ARL15: variants seen among roughly 807,000 people sequenced by gnomAD.
ARL15 encodes the protein ADP-ribosylation factor-like protein 15.
In ARL15, 19 loss-of-function variants were observed where a neutral mutation model predicts 25.2. That is an observed-to-expected ratio of 0.75 (90% CI 0.53 to 1.10). The LOEUF is 1.10. ARL15 is among the 50% of genes least tolerant of loss of function. The pLI is 0.00. For synonymous variants in ARL15, 94 were observed against 86.8 expected (o/e 1.08, Z -0.46); for missense variants, 220 against 246.0 (o/e 0.89, Z 0.71).
chr5:54,271,455 A>C (rs1309777390), intron 1 of ARL15, among the ~76,000 whole-genome samples: 1 of 152,200 alleles, frequency 6.6e-6, no homozygotes, highest in Non-Finnish European at 1.5e-5. Flanking sequence ...ATACAATACA[A>C]ATGCTATGTA....
chr5:53,961,799 C>A (rs1268116992), intron 4 of ARL15, among the ~76,000 whole-genome samples: 1 of 152,100 alleles, frequency 6.6e-6, no homozygotes, highest in African/African-American at 2.4e-5. Flanking sequence ...TCTGTGTTGG[C>A]ATGTATTAAT....
chr5:53,907,488 A>ATACATATATAT (rs1360900279), intron 4 of ARL15, among the ~76,000 whole-genome samples: 4 of 18,016 alleles, frequency 2.2e-4, no homozygotes, highest in African/African-American at 1.2e-3. Context: ...ATATATATAT[A>ATACATATATAT]TTTTTTTTTT....
chr5:53,929,607 G>A (rs1343080224), intron 4 of ARL15, among the ~76,000 whole-genome samples: 2 of 152,146 alleles, frequency 1.3e-5, no homozygotes, highest in African/African-American at 2.4e-5. Context: ...ATTACAATTA[G>A]TTCCAAAAAG....
In ARL15 at chr5:54,121,760, T is replaced by C. The variant is rs947712969; in HGVS notation, c.254-8350A>G. ...CTGGCTCTGCCACATATCATCTAAGTAACATGAAAACTCCGCTTAATTGTT... is the reference window on the plus strand; with the variant it reads ...CTGGCTCTGCCACATATCATCTAAGCAACATGAAAACTCCGCTTAATTGTT... On this transcript the variant is annotated intron_variant, in intron 3 of 4. Coordinates refer to ENST00000504924, the MANE Select transcript of ARL15 (RefSeq NM_019087.3). 5.1e-4 allele frequency among the ~76,000 whole-genome samples: 77 copies of C among 152,154 alleles called. 1 individual carries two copies. Among genetic ancestry groups the C allele is most frequent in the Non-Finnish European group, 1.5e-4 (10 of 68,014 alleles).
At chr5:54,192,471 T>A (rs973727333) in intron 1 of ARL15, among the ~76,000 whole-genome samples, 5 of 151,962 alleles carry the variant, frequency 3.3e-5, no homozygotes, top group African/African-American at 1.2e-4. Context: ...TTCCTAACCT[T>A]TTATCATTGG....
chr5:54,154,940 G>A (rs138220393), intron 2 of ARL15, among the ~76,000 whole-genome samples: 78 of 152,194 alleles, frequency 5.1e-4, no homozygotes, highest in African/African-American at 1.8e-3. Flanking sequence ...GGGCAACATG[G>A]TGAAACCCCG....
intron 4 of ARL15, among the ~76,000 whole-genome samples, chr5:54,007,248 T>C (rs145416780): frequency 5.2e-4 from 79 of 152,294 alleles, no homozygotes; most frequent in Non-Finnish European, 1.0e-3. Context: ...AAAGTATTGA[T>C]CCGCCTTGGG....
intron 4 of ARL15, among the ~76,000 whole-genome samples, chr5:53,917,691 A>C (rs1008008050): frequency 1.3e-5 from 2 of 152,174 alleles, no homozygotes; most frequent in African/African-American, 4.8e-5. Context: ...CTCTGGCTTG[A>C]GAAGAGCAGT....
chr5:53,986,818 C>A (rs1343538679), intron 4 of ARL15, among the ~76,000 whole-genome samples: 1 of 152,110 alleles, frequency 6.6e-6, no homozygotes, highest in Non-Finnish European at 1.5e-5. Flanking sequence ...GAGTCCTTTG[C>A]TAATGAGGCT....
At chr5:54,188,841 C>G (rs983710802) in intron 1 of ARL15, among the ~76,000 whole-genome samples, 12 of 152,098 alleles carry the variant, frequency 7.9e-5, no homozygotes, top group African/African-American at 2.7e-4. Flanking sequence ...CATAACAAGG[C>G]CCACAGCTCT....
At chr5:54,169,462 C>G (rs1171833615) in intron 2 of ARL15, among the ~76,000 whole-genome samples, 3 of 152,160 alleles carry the variant, frequency 2.0e-5, no homozygotes, top group African/African-American at 7.2e-5. Context: ...CTATCTCTAG[C>G]TATGTAACAA....
intron 4 of ARL15, among the ~76,000 whole-genome samples, chr5:54,032,567 G>A (rs190818151): frequency 2.0e-5 from 3 of 150,486 alleles, no homozygotes; most frequent in Admixed American, 2.0e-4. Flanking sequence ...GTACATCTAT[G>A]TTGAGAACAT....
At chr5:54,059,356 A>C (rs1007811162) in intron 4 of ARL15, among the ~76,000 whole-genome samples, 1 of 152,214 alleles carries the variant, frequency 6.6e-6, no homozygotes, top group African/African-American at 2.4e-5. Context: ...GAGAATACAA[A>C]GTGATCAACC....
At chr5:54,130,847 C>T (rs755035509) in intron 3 of ARL15, among the ~76,000 whole-genome samples, 2 of 152,124 alleles carry the variant, frequency 1.3e-5, no homozygotes, top group African/African-American at 4.8e-5. Flanking sequence ...GAATGGCACT[C>T]TAGGTAGTTG....
intron 4 of ARL15, among the ~76,000 whole-genome samples, chr5:53,958,076 G>C (rs1054780225): frequency 6.6e-6 from 1 of 151,950 alleles, no homozygotes; most frequent in African/African-American, 2.4e-5. Flanking sequence ...CAGGCACGGT[G>C]GTGGCTGCCT....
rs565543621 is a variant in ARL15, at chr5:53,901,280, T to A, written c.463-14567A>T. On this transcript the variant is annotated intron_variant, in intron 4 of 4. Coordinates refer to ENST00000504924, the MANE Select transcript of ARL15 (RefSeq NM_019087.3). ...GATTTTTTATCTTCTGTATTTGGGGTAATATTCAGTTATGATTTTCCTTCC... is the reference window on the plus strand; with the variant it reads ...GATTTTTTATCTTCTGTATTTGGGGAAATATTCAGTTATGATTTTCCTTCC... Among the ~76,000 whole-genome samples, 23 of 152,314 alleles carry A rather than the reference T, an allele frequency of 1.5e-4. No individual in the cohort carries two copies. The Middle Eastern group carries it at 0.017, about 113-fold the overall frequency.
rs1285341329 is a variant in ARL15, at chr5:53,907,483, TATA to T, written c.463-20773_463-20771del. 2.4e-3 allele frequency among the ~76,000 whole-genome samples: 80 copies of T among 34,004 alleles called. 1 individual carries two copies. Among genetic ancestry groups the T allele is most frequent in the African/African-American group, 6.6e-3 (48 of 7,260 alleles). 22.3% of individuals were successfully genotyped at this position (34,004 alleles called of 152,430 possible). On this transcript the variant is annotated intron_variant, in intron 4 of 4. Transcript: ENST00000504924. ...ATATATATATATATATATATATATATATATATTTTTTTTTTTTTTTTTTTTTTT... is the reference window on the plus strand; with the variant it reads ...ATATATATATATATATATATATATATTATTTTTTTTTTTTTTTTTTTTTTT...
chr5:54,275,056 A>G (rs1757891627), intron 1 of ARL15, among the ~76,000 whole-genome samples: 1 of 152,210 alleles, frequency 6.6e-6, no homozygotes. Flanking sequence ...ACTAGATTCA[A>G]TCTTGGCCCA....
intron 1 of ARL15, among the ~76,000 whole-genome samples, chr5:54,284,914 T>A (rs954786267): frequency 1.3e-4 from 20 of 152,180 alleles, no homozygotes; most frequent in Non-Finnish European, 2.8e-4. Context: ...TAACCAAACT[T>A]CCTTTGATCA....
Sources: allele counts gnomAD v4.1 joint callset (sites outside exome capture counted in the v4.1 genomes callset), GRCh38; gene constraint gnomAD v4.1.1; transcripts MANE v1.5; gene names NCBI Gene and HGNC (gene_info 2026-07-23, HGNC 2026-07-21).